Variants in RAB31 observed in about 807,000 individuals in gnomAD.
The protein encoded by RAB31 is ras-related protein Rab-31.
RAB31 carries 21 observed loss-of-function variants against 25.6 expected under a neutral mutation model. The observed-to-expected ratio is 0.82, with a 90% confidence interval of 0.58 to 1.18. The LOEUF (loss-of-function observed/expected upper bound fraction) is 1.18. Ranked by LOEUF, RAB31 falls within the 50% of genes most tolerant of loss-of-function variation. The probability of loss-of-function intolerance (pLI) is 0.00; values close to 1 mark genes in which losing one functional copy is unlikely to be tolerated. For missense variants in RAB31, 196 were observed against 250.1 expected (o/e 0.78, Z 1.46); for synonymous variants, 87 against 84.0 (o/e 1.04, Z -0.20).
In RAB31 at chr18:9,819,537, T is replaced by C. The variant is rs530559737; in HGVS notation, c.380+4315T>C. Among the ~76,000 whole-genome samples, 8 of 152,306 alleles carry C rather than the reference T, an allele frequency of 5.3e-5. No homozygotes were observed. In the South Asian group the frequency reaches 8.3e-4, roughly 16 times the overall value. ...CGTTGTTCTCTTTTTCAAGATTGTT[T>C]GACTATTCTGGACCCTTAACATTTT... On this transcript the variant is annotated intron_variant, in intron 5 of 6. Coordinates refer to ENST00000578921, the MANE Select transcript of RAB31 (RefSeq NM_006868.4).
chr18:9,848,056 A>G (rs2068770405), intron 6 of RAB31, among the ~76,000 whole-genome samples: 1 of 152,206 alleles, frequency 6.6e-6, no homozygotes, highest in South Asian at 2.1e-4. Flanking sequence ...TCAAATACCC[A>G]TATCACCTCA....
chr18:9,781,466 G>A (rs1291469196), intron 2 of RAB31, among the ~76,000 whole-genome samples: 3 of 152,202 alleles, frequency 2.0e-5, no homozygotes, highest in Non-Finnish European at 2.9e-5. Context: ...ACAGGCACTC[G>A]CCTCCACGCC....
chr18:9,847,409 G>A (rs1478127784), intron 6 of RAB31, among the ~76,000 whole-genome samples: 1 of 152,094 alleles, frequency 6.6e-6, no homozygotes, highest in Non-Finnish European at 1.5e-5. Flanking sequence ...AGATATCAGT[G>A]GTCAGCCAGG....
At chr18:9,778,758 A>G (rs1489242481) in intron 2 of RAB31, among the ~76,000 whole-genome samples, 1 of 152,226 alleles carries the variant, frequency 6.6e-6, no homozygotes, top group East Asian at 1.9e-4. Flanking sequence ...GGCGTGAGCC[A>G]CTGTGCCCAG....
At chr18:9,755,258 T>C (rs2068255133) in intron 1 of RAB31, among the ~76,000 whole-genome samples, 1 of 152,186 alleles carries the variant, frequency 6.6e-6, no homozygotes, top group South Asian at 2.1e-4. Flanking sequence ...TCTCATTAGC[T>C]CCGTTTTGTC....
At chr18:9,829,707 T>A (rs2068667832) in intron 5 of RAB31, among the ~76,000 whole-genome samples, 1 of 152,218 alleles carries the variant, frequency 6.6e-6, no homozygotes, top group Admixed American at 6.5e-5. Context: ...ATTGTGATCC[T>A]TCAGGGCATA....
intron 1 of RAB31, among the ~76,000 whole-genome samples, chr18:9,726,883 C>T (rs1276358188): frequency 2.6e-5 from 4 of 152,046 alleles, no homozygotes; most frequent in African/African-American, 9.7e-5. Context: ...ACCAGCTGTC[C>T]AGAAGCCCAC....
At chr18:9,844,952 T>G (rs1321430165) in intron 5 of RAB31, 2 of 152,116 alleles carry the variant, frequency 1.3e-5, no homozygotes, top group African/African-American at 4.8e-5. Flanking sequence ...CAAGCTCTGC[T>G]TCCTGGGTTC....
chr18:9,720,718 C>T (rs1434877268), intron 1 of RAB31, among the ~76,000 whole-genome samples: 2 of 148,026 alleles, frequency 1.4e-5, no homozygotes, highest in Non-Finnish European at 1.5e-5. Context: ...ATTTAGTGAG[C>T]ATGTATTACT....
rs1250305828 is a variant in RAB31, at chr18:9,715,599, G to A, written c.39+7155G>A. ...GCCTGGGGTGCAGTGGCACAATCTC[G>A]GCTCACTGCAACCTCCACCTCCTGG... On this transcript the variant is annotated intron_variant, in intron 1 of 6. Coordinates refer to ENST00000578921, the MANE Select transcript of RAB31 (RefSeq NM_006868.4). 4.1e-5 allele frequency among the ~76,000 whole-genome samples: 6 copies of A among 147,276 alleles called. No individual in the cohort carries two copies. The East Asian group carries it at 1.0e-3, about 25-fold the overall frequency.
intron 6 of RAB31, among the ~76,000 whole-genome samples, chr18:9,854,128 C>A (rs150545857): frequency 6.6e-5 from 10 of 152,154 alleles, no homozygotes; most frequent in South Asian, 2.1e-4. Context: ...CTCGCTCCCC[C>A]ACCCCCAACC....
chr18:9,823,073 T>G (rs1436007037), intron 5 of RAB31, among the ~76,000 whole-genome samples: 1 of 152,218 alleles, frequency 6.6e-6, no homozygotes, highest in East Asian at 1.9e-4. Flanking sequence ...GGACTACTAC[T>G]CAGCACTAAA....
intron 1 of RAB31, among the ~76,000 whole-genome samples, chr18:9,773,723 A>G (rs530424322): frequency 6.6e-6 from 1 of 152,298 alleles, no homozygotes; most frequent in African/African-American, 2.4e-5. Context: ...CAGTGGCACA[A>G]TCATAGCTCA....
At chr18:9,807,764 C>T (rs1038262161) in intron 3 of RAB31, among the ~76,000 whole-genome samples, 1 of 151,486 alleles carries the variant, frequency 6.6e-6, no homozygotes, top group Non-Finnish European at 1.5e-5. Flanking sequence ...ACTTGAGCCT[C>T]GGAGTTTCAA....
chr18:9,832,668 A>G (rs1319475069), intron 5 of RAB31, among the ~76,000 whole-genome samples: 1 of 152,200 alleles, frequency 6.6e-6, no homozygotes, highest in Non-Finnish European at 1.5e-5. Flanking sequence ...CACGTGGAGG[A>G]CAAGGACTTG....
intron 1 of RAB31, among the ~76,000 whole-genome samples, chr18:9,756,226 A>G (rs1416744348): frequency 2.6e-5 from 4 of 152,174 alleles, no homozygotes; most frequent in African/African-American, 9.7e-5. Flanking sequence ...TCAAGTATAG[A>G]CCCTGATATA....
chr18:9,811,196 G>T (rs2068568749), intron 3 of RAB31, among the ~76,000 whole-genome samples: 1 of 152,184 alleles, frequency 6.6e-6, no homozygotes, highest in Non-Finnish European at 1.5e-5. Flanking sequence ...GCACAGTTCA[G>T]CTGTGAACTC....
intron 1 of RAB31, among the ~76,000 whole-genome samples, chr18:9,745,594 A>G (rs2068201587): frequency 6.6e-6 from 1 of 152,216 alleles, no homozygotes; most frequent in Non-Finnish European, 1.5e-5. Context: ...CCATGACCAG[A>G]TGGGGTTTAT....
intron 1 of RAB31, among the ~76,000 whole-genome samples, chr18:9,713,527 G>T (rs1338406773): frequency 2.0e-5 from 3 of 152,184 alleles, no homozygotes; most frequent in African/African-American, 7.2e-5. Context: ...CCAGGCTGAT[G>T]GAATCCATCA....
Sources: gnomAD v4.1 joint callset for allele counts (sites outside exome capture counted in the v4.1 genomes callset) on GRCh38, gnomAD v4.1.1 for gene constraint, MANE v1.5 for transcripts, NCBI Gene and HGNC (gene_info 2026-07-23, HGNC 2026-07-21) for gene names.